PGBD5: variants seen among roughly 807,000 people sequenced by gnomAD.
PGBD5 encodes the protein piggyBac transposable element derived 5, also known as piggyBac transposable element-derived protein 5.
In PGBD5, 14 loss-of-function variants were observed where a neutral mutation model predicts 47.9. The ratio of observed to expected loss-of-function variants is 0.29; its 90% CI spans 0.19 to 0.46. PGBD5 has a LOEUF of 0.46. Ranked by LOEUF, PGBD5 falls within the 20% of genes least tolerant of loss-of-function variation. PGBD5 has a pLI of 1.00. For synonymous variants in PGBD5, 316 were observed against 306.3 expected, an observed-to-expected ratio of 1.03 and a Z score of -0.33; for missense variants, 635 against 716.0, an observed-to-expected ratio of 0.89 and a Z score of 1.29.
rs1482977209 is a variant in PGBD5 at position 230,315,709 on chromosome 1, CAA to C, written c.*7714_*7715del. The C allele has an allele frequency of 6.7e-6, 1 of 150,146 alleles. No individual in the cohort carries two copies. Among genetic ancestry groups the C allele is most frequent in the Non-Finnish European group, 1.5e-5 (1 of 67,562 alleles). 9.3% of individuals were successfully genotyped at this position (150,146 alleles called of 1,614,324 possible). ...GTGTATATTTACACACACATACACA[CAA>C]GATAGATATATATATTAAGTGGACA... On this transcript the variant is annotated 3_prime_UTR_variant, in exon 7 of 7. Coordinates refer to ENST00000391860, the MANE Select transcript of PGBD5 (RefSeq NM_001258311.2).
At chr1:230,337,371 T>C (rs953933279) in intron 3 of PGBD5, 83 bp from the exon 4 acceptor site, 14 of 1,301,322 alleles carry the variant, frequency 1.1e-5, no homozygotes, top group Admixed American at 2.6e-5. Context: ...ACAGATCTCA[T>C]GGGTCTCAGT....
At chr1:230,325,614 G>C (rs1006700650) in intron 5 of PGBD5, among the ~76,000 whole-genome samples, 199 bp from the exon 6 acceptor site, 7 of 152,198 alleles carry the variant, frequency 4.6e-5, no homozygotes, top group Non-Finnish European at 8.8e-5. Context: ...GCATCAGTCA[G>C]GTGAGTGCCA....
At chr1:230,396,659 G>A (rs270849) in intron 1 of PGBD5, among the ~76,000 whole-genome samples, 61,825 of 147,568 alleles carry the variant, frequency 0.42, 13,521 homozygotes, top group South Asian at 0.52. Context: ...ACCTGAGGAC[G>A]GCACACATGG....
intron 1 of PGBD5, among the ~76,000 whole-genome samples, chr1:230,390,897 A>G (rs544023459): frequency 6.6e-6 from 1 of 152,218 alleles, no homozygotes; most frequent in East Asian, 1.9e-4. Flanking sequence ...GCACCACCAC[A>G]GCCAGCTAAT....
Position 230,314,499 on chromosome 1 carries a change from T to C in PGBD5, c.*8926A>G, listed in dbSNP as rs924299182. 3.3e-5 allele frequency: 5 copies of C among 151,990 alleles called. No individual in the cohort carries two copies. Among genetic ancestry groups the C allele is most frequent in the Admixed American group, 2.0e-4 (3 of 15,262 alleles). The allele number at this position is 151,990 out of a possible 1,614,324, so 9.4% of individuals were successfully genotyped here. Reference sequence around the variant, plus strand: ...ACCAGAGAGAAGCAAACAGATGTATTTGACTGTATTTCAAAGGCAGTGACT... The same window carrying C: ...ACCAGAGAGAAGCAAACAGATGTATCTGACTGTATTTCAAAGGCAGTGACT... On this transcript the variant is annotated 3_prime_UTR_variant, in exon 7 of 7. Coordinates refer to ENST00000391860, the MANE Select transcript of PGBD5 (RefSeq NM_001258311.2).
chr1:230,405,139 G>A (rs1657271485), intron 1 of PGBD5, among the ~76,000 whole-genome samples: 1 of 150,744 alleles, frequency 6.6e-6, no homozygotes, highest in Non-Finnish European at 1.5e-5. Context: ...AGCTTGCAGT[G>A]AGCTGAGATT....
At chr1:230,335,897 G>A (rs921835920) in intron 4 of PGBD5, among the ~76,000 whole-genome samples, 2 of 71,868 alleles carry the variant, frequency 2.8e-5, no homozygotes, top group African/African-American at 4.2e-5. Flanking sequence ...ATGCATACAC[G>A]GACATACAGA....
At chr1:230,410,847 C>A (rs186194705) in intron 1 of PGBD5, among the ~76,000 whole-genome samples, 10 of 152,172 alleles carry the variant, frequency 6.6e-5, no homozygotes, top group Admixed American at 4.6e-4. Context: ...AAAAAGGACA[C>A]GTAAGCCCAA....
chr1:230,333,178 GACCC>G, intron 4 of PGBD5, 137 bp from the exon 5 acceptor site: 5 of 846,094 alleles, frequency 5.9e-6, no homozygotes, highest in Non-Finnish European at 9.1e-6. Flanking sequence ...ACCCTCTAGA[GACCC>G]CTCTAGAAGA....
At chr1:230,419,208 C>T (rs1657594064) in intron 1 of PGBD5, among the ~76,000 whole-genome samples, 1 of 152,206 alleles carries the variant, frequency 6.6e-6, no homozygotes, top group Non-Finnish European at 1.5e-5. Flanking sequence ...GCACATACAC[C>T]ATGGAACACC....
intron 1 of PGBD5, among the ~76,000 whole-genome samples, chr1:230,383,645 A>G (rs894145804): frequency 4.6e-5 from 7 of 152,082 alleles, no homozygotes; most frequent in African/African-American, 1.7e-4. Flanking sequence ...TGGCTTTCCA[A>G]TGTGCTGGGA....
chr1:230,333,137 C>G, intron 4 of PGBD5, 96 bp from the exon 5 acceptor site: 3 of 1,326,714 alleles, frequency 2.3e-6, no homozygotes, highest in Non-Finnish European at 3.1e-6. Flanking sequence ...GACGGGACTG[C>G]CCGGTTCTGA....
chr1:230,346,400 C>T (rs747544948), intron 3 of PGBD5, among the ~76,000 whole-genome samples: 2 of 152,084 alleles, frequency 1.3e-5, no homozygotes, highest in Non-Finnish European at 2.9e-5. Flanking sequence ...CATTATAAGT[C>T]GAGGAGCTTC....
chr1:230,333,307 C>T (rs1284888829), intron 4 of PGBD5, among the ~76,000 whole-genome samples: 1 of 152,160 alleles, frequency 6.6e-6, no homozygotes. Flanking sequence ...GGCTACAGCA[C>T]AAGCAATGGA....
chr1:230,371,336 A>G (rs1050822871), intron 1 of PGBD5, among the ~76,000 whole-genome samples: 10 of 152,190 alleles, frequency 6.6e-5, no homozygotes, highest in African/African-American at 9.6e-5. Context: ...CAGGAGGGGC[A>G]GCTTTCTTGA....
intron 1 of PGBD5, among the ~76,000 whole-genome samples, chr1:230,396,362 A>C (rs1571858128): frequency 3.9e-5 from 4 of 102,004 alleles, no homozygotes; most frequent in South Asian, 3.6e-4. Context: ...TACTCTCTTC[A>C]CCCTCCTCCC....
chr1:230,379,267 C>T (rs941682157), intron 1 of PGBD5, among the ~76,000 whole-genome samples: 8 of 152,100 alleles, frequency 5.3e-5, no homozygotes, highest in African/African-American at 1.7e-4. Context: ...ACAACCCTGG[C>T]GACCTCCTTT....
At chr1:230,349,146 C>G (rs941541778) in intron 3 of PGBD5, among the ~76,000 whole-genome samples, 3 of 152,198 alleles carry the variant, frequency 2.0e-5, no homozygotes, top group African/African-American at 7.2e-5. Context: ...TGCCTGGTGA[C>G]AGATGTGATT....
chr1:230,403,422 A>T (rs1657192382), intron 1 of PGBD5, among the ~76,000 whole-genome samples: 1 of 152,164 alleles, frequency 6.6e-6, no homozygotes, highest in African/African-American at 2.4e-5. Flanking sequence ...TACAGCACTG[A>T]GAAGAAGTGG....
Sources: gnomAD v4.1 joint callset for allele counts (sites outside exome capture counted in the v4.1 genomes callset) on GRCh38, gnomAD v4.1.1 for gene constraint, MANE v1.5 for transcripts, NCBI Gene and HGNC (gene_info 2026-07-23, HGNC 2026-07-21) for gene names.